Variants in NCOR2 observed in about 807,000 individuals in gnomAD.
NCOR2 encodes the protein nuclear receptor corepressor 2.
NCOR2 carries 81 observed loss-of-function variants against 262.9 expected under a neutral mutation model. The observed-to-expected ratio is 0.31, with a 90% confidence interval of 0.26 to 0.37. The LOEUF (loss-of-function observed/expected upper bound fraction) is 0.37, where lower values mean the gene tolerates loss of function less well. Among genes scored for constraint, NCOR2 ranks in the 10% least tolerant of loss-of-function variants. The pLI is 1.00. For synonymous variants in NCOR2, 1,659 were observed against 1,559.3 expected (o/e 1.06, Z -1.51); for missense variants, 3,385 against 3,621.4 (o/e 0.93, Z 1.68).
At chr12:124,520,973 C>T (rs76433454) in intron 1 of NCOR2, among the ~76,000 whole-genome samples, 5,379 of 152,250 alleles carry the variant, frequency 0.035, 276 homozygotes, top group African/African-American at 0.12. Flanking sequence ...GGCAGGGGGA[C>T]CTTAAGCTGA....
At chr12:124,533,058 C>A (rs1286138393) in intron 1 of NCOR2, among the ~76,000 whole-genome samples, 2 of 143,648 alleles carry the variant, frequency 1.4e-5, no homozygotes, top group Non-Finnish European at 3.0e-5. Context: ...TCCCCCACCC[C>A]AGTCCCACTC....
At chr12:124,325,495 G>T (rs371798251) in exon 47 of NCOR2, 579 of 1,359,838 alleles carry the variant, frequency 4.3e-4, no homozygotes, top group Non-Finnish European at 5.3e-4. Context: ...GGGGCCCGCT[G>T]CCCGCGGGGA....
chr12:124,348,280 G>A (rs200209674), exon 29 of NCOR2: 97 of 1,612,472 alleles, frequency 6.0e-5, no homozygotes, highest in Middle Eastern at 3.3e-4. Flanking sequence ...TGCTTCTGCC[G>A]TCCTCCTTGG....
intron 37 of NCOR2, 113 bp downstream of exon 39, chr12:124,339,893 G>GGCCA: frequency 1.8e-6 from 1 of 566,002 alleles, no homozygotes; most frequent in Non-Finnish European, 3.0e-6. Flanking sequence ...CCACACATCT[G>GGCCA]CCCACCCACC....
exon 20 of NCOR2, chr12:124,372,098 C>G: frequency 1.2e-6 from 2 of 1,603,410 alleles, no homozygotes; most frequent in Non-Finnish European, 1.7e-6. Flanking sequence ...TCCTGGGGGG[C>G]GCCCGAGCTC....
chr12:124,384,318 G>A (rs1210564512), intron 17 of NCOR2, among the ~76,000 whole-genome samples: 4 of 152,202 alleles, frequency 2.6e-5, no homozygotes, highest in Admixed American at 6.5e-5. Context: ...AGCCAGATGC[G>A]GTGCCTTCCT....
intron 32 of NCOR2, among the ~76,000 whole-genome samples, chr12:124,343,751 C>G (rs190103664): frequency 1.5e-3 from 226 of 152,162 alleles, no homozygotes; most frequent in African/African-American, 5.2e-3. Flanking sequence ...CTCAGCCTCC[C>G]GAGTAGCTGG....
chr12:124,378,193 G>A lies in NCOR2; in HGVS notation c.2167+44C>T, dbSNP rs773270527. On this transcript the variant is annotated intron_variant, in intron 18 of 46. Transcript: ENST00000405201. This position sits in a 1 kb window ranked among gnomAD's most constrained non-coding sequence, Gnocchi z 4.2. Reference sequence around the variant, plus strand: ...CCCGCTATGCCCTCCCTCAGAGCTCGGACCCACAGCTGCCAGCCACCTCCA... The same window carrying A: ...CCCGCTATGCCCTCCCTCAGAGCTCAGACCCACAGCTGCCAGCCACCTCCA... 44 of 1,599,772 alleles carry A rather than the reference G, an allele frequency of 2.8e-5. No individual in the cohort carries two copies. The highest frequency in any genetic ancestry group is 4.0e-5 in the African/African-American group (3 of 74,646).
At chr12:124,386,662 G>A (rs551994491) in intron 16 of NCOR2, among the ~76,000 whole-genome samples, 24 of 152,320 alleles carry the variant, frequency 1.6e-4, no homozygotes, top group African/African-American at 5.5e-4. Context: ...TCCATCACTA[G>A]GTCTCAGGCC....
intron 17 of NCOR2, among the ~76,000 whole-genome samples, chr12:124,379,234 G>A (rs2040238859): frequency 1.3e-5 from 2 of 152,002 alleles, no homozygotes; most frequent in African/African-American, 4.8e-5. Flanking sequence ...CCTCATCGTC[G>A]GGCCTCCACT....
At chr12:124,358,840 A>G (rs189054125) in intron 22 of NCOR2, among the ~76,000 whole-genome samples, 1 of 152,262 alleles carries the variant, frequency 6.6e-6, no homozygotes, top group African/African-American at 2.4e-5. Flanking sequence ...AAGCGTGTTC[A>G]CTCATTTATT....
chr12:124,449,922 A>G (rs1464854667), intron 6 of NCOR2, 55 bp from the exon 9 acceptor site: 2 of 1,576,266 alleles, frequency 1.3e-6, no homozygotes, highest in African/African-American at 2.7e-5. Context: ...TCGCCACTAC[A>G]GAGCCCACCG....
chr12:124,424,181 G>A lies in NCOR2; in HGVS notation c.1329-1626C>T, dbSNP rs374865354. On this transcript the variant is annotated intron_variant, in intron 11 of 46. Transcript: ENST00000405201. The stretch of plus-strand genomic sequence containing the variant: ...TGAGATCTTCCGAAAGGCTGAAGCC[G>A]CAGAAAGTCTCCCAGAACACCTTTT... 3.2e-4 allele frequency among the ~76,000 whole-genome samples: 49 copies of A among 152,270 alleles called. No homozygotes were observed. In the South Asian group the frequency reaches 7.3e-3, roughly 23 times the overall value.
chr12:124,340,349 T>C (rs369739293), exon 36 of NCOR2: 9 of 1,612,854 alleles, frequency 5.6e-6, no homozygotes, highest in African/African-American at 1.3e-5. Context: ...GGATGGACTT[T>C]TCCCGCTCCC....
rs986456117 is a variant in NCOR2, at chr12:124,566,221, G to A, written c.-165+1087C>T. Among the ~76,000 whole-genome samples the A allele has an allele frequency of 8.5e-5, 13 of 152,338 alleles. No individual in the cohort carries two copies. Among genetic ancestry groups the A allele is most frequent in the African/African-American group, 2.4e-4 (10 of 41,580 alleles). On this transcript the variant is annotated intron_variant, in intron 1 of 32. Coordinates refer to the NCOR2 transcript ENST00000458234. This position sits in a 1 kb window ranked among gnomAD's most constrained non-coding sequence, Gnocchi z 4.3. Reference sequence around the variant, plus strand: ...ACCAGTTCTCACCAACGGGGGAGAGGAGGAGGGGGAGGAAGGGAGGAGGCT... The same window carrying A: ...ACCAGTTCTCACCAACGGGGGAGAGAAGGAGGGGGAGGAAGGGAGGAGGCT...
chr12:124,513,034 C>T (rs1235195968), intron 1 of NCOR2, among the ~76,000 whole-genome samples: 1 of 152,204 alleles, frequency 6.6e-6, no homozygotes, highest in East Asian at 1.9e-4. Flanking sequence ...CGGGAGGACT[C>T]AGCGAGACCC....
chr12:124,424,477 T>G (rs2043417781), intron 11 of NCOR2, among the ~76,000 whole-genome samples: 1 of 152,144 alleles, frequency 6.6e-6, no homozygotes, highest in South Asian at 2.1e-4. Flanking sequence ...GAAGGACCAC[T>G]CACTCGGTGC....
exon 32 of NCOR2, chr12:124,344,892 T>C (rs1374859732): frequency 6.3e-7 from 1 of 1,581,280 alleles, no homozygotes. Context: ...TGAGGGAGCG[T>C]ACGTCGTGCT....
intron 23 of NCOR2, 79 bp from the exon 26 acceptor site, chr12:124,355,650 C>CA: frequency 6.9e-7 from 1 of 1,459,278 alleles, no homozygotes; most frequent in Non-Finnish European, 9.0e-7. Flanking sequence ...GGCTGCACTC[C>CA]ACCTCTTCCC....
Sources: allele counts gnomAD v4.1 joint callset (sites outside exome capture counted in the v4.1 genomes callset), GRCh38; gene constraint gnomAD v4.1.1; non-coding constraint Gnocchi (gnomAD v3.1); transcripts MANE v1.5; gene names NCBI Gene and HGNC (gene_info 2026-07-23, HGNC 2026-07-21).